The following GRIK2 variants were observed in gnomAD, a reference collection of about 807,000 sequenced individuals.
GRIK2 encodes the protein glutamate receptor ionotropic, kainate 2.
In GRIK2, 32 loss-of-function variants were observed where a neutral mutation model predicts 100.3. The ratio of observed to expected loss-of-function variants is 0.32; its 90% CI spans 0.24 to 0.43. GRIK2 has a LOEUF of 0.43. Ranked by LOEUF, GRIK2 falls within the 20% of genes least tolerant of loss-of-function variation. GRIK2 has a pLI of 1.00. For synonymous variants in GRIK2, 417 were observed against 389.4 expected (o/e 1.07, Z -0.83); for missense variants, 843 against 1,114.9 (o/e 0.76, Z 3.47).
chr6:101,476,830 C>T (rs1313893993), intron 2 of GRIK2, among the ~76,000 whole-genome samples: 3 of 152,076 alleles, frequency 2.0e-5, no homozygotes, highest in Non-Finnish European at 4.4e-5. Flanking sequence ...TCAAGCTAAG[C>T]ACTATGAATT....
At chr6:101,453,819 AT>A (rs1489538735) in intron 2 of GRIK2, among the ~76,000 whole-genome samples, 1 of 152,004 alleles carries the variant, frequency 6.6e-6, no homozygotes, top group Non-Finnish European at 1.5e-5. Flanking sequence ...TATACAATAT[AT>A]TTTGTTATAT....
chr6:101,908,035 C>T (rs543409938), intron 12 of GRIK2, among the ~76,000 whole-genome samples: 1 of 151,600 alleles, frequency 6.6e-6, no homozygotes, highest in Admixed American at 6.6e-5. Context: ...TCTCTTCCTA[C>T]TGTTTCAGTA....
intron 14 of GRIK2, among the ~76,000 whole-genome samples, chr6:102,025,419 G>A (rs998063776): frequency 2.0e-5 from 3 of 151,028 alleles, no homozygotes; most frequent in African/African-American, 4.8e-5. Context: ...TAAAATAGAC[G>A]GAGGATAAGG....
At chr6:101,676,531 A>C (rs1377937480) in intron 4 of GRIK2, 92 bp from the exon 5 acceptor site, 1 of 720,518 alleles carries the variant, frequency 1.4e-6, no homozygotes, top group Admixed American at 3.3e-5. Context: ...ATAAGAAGAA[A>C]ATTATACATT....
intron 2 of GRIK2, among the ~76,000 whole-genome samples, chr6:101,582,780 G>A (rs1315169828): frequency 6.6e-6 from 1 of 152,172 alleles, no homozygotes; most frequent in Admixed American, 6.6e-5. Context: ...TAATGGAACT[G>A]TATAGTTCAC....
intron 4 of GRIK2, among the ~76,000 whole-genome samples, chr6:101,652,774 C>T (rs1330661395): frequency 6.6e-6 from 1 of 152,126 alleles, no homozygotes; most frequent in Non-Finnish European, 1.5e-5. Flanking sequence ...GGTAGCAAAG[C>T]GGTTTCCTCA....
At chr6:101,973,620 A>G (rs912848220) in intron 14 of GRIK2, among the ~76,000 whole-genome samples, 43 of 151,920 alleles carry the variant, frequency 2.8e-4, no homozygotes, top group African/African-American at 1.0e-3. Flanking sequence ...CATACTACCA[A>G]TTATAAGATT....
At chr6:101,525,246 A>G (rs1775092355) in intron 2 of GRIK2, among the ~76,000 whole-genome samples, 1 of 152,336 alleles carries the variant, frequency 6.6e-6, no homozygotes, top group South Asian at 2.1e-4. Flanking sequence ...GCTCTTTCTC[A>G]CATATTCAAT....
intron 14 of GRIK2, among the ~76,000 whole-genome samples, chr6:102,008,986 T>C (rs1795385927): frequency 6.6e-6 from 1 of 152,048 alleles, no homozygotes; most frequent in South Asian, 2.1e-4. Context: ...GAAGAACAGA[T>C]TTAGATCAAA....
chr6:101,467,273 A>T (rs188023972), intron 2 of GRIK2, among the ~76,000 whole-genome samples: 1 of 152,320 alleles, frequency 6.6e-6, no homozygotes, highest in East Asian at 1.9e-4. Context: ...CCAAGAATTC[A>T]TTTGCATTTT....
At chr6:101,776,848 A>T (rs1026524556) in intron 7 of GRIK2, among the ~76,000 whole-genome samples, 14 of 152,216 alleles carry the variant, frequency 9.2e-5, no homozygotes, top group Middle Eastern at 3.2e-3. Context: ...CTAGAACCTG[A>T]TCTGCTGTTT....
At position 101,785,351 on chromosome 6, in the gene GRIK2, A is replaced by G. The variant is rs546538938; in HGVS notation, c.952-14297A>G. Among the ~76,000 whole-genome samples the G allele has an allele frequency of 2.6e-5, 4 of 152,072 alleles. No individual in the cohort carries two copies. The South Asian group carries it at 6.2e-4, about 24-fold the overall frequency. On this transcript the variant is annotated intron_variant, in intron 7 of 16. Transcript: ENST00000369134. The stretch of plus-strand genomic sequence containing the variant: ...TGTCCCATATGTCTATTTTTTGTTA[A>G]TTGCCTATGCTTTTGGGTCCTTAGC...
intron 9 of GRIK2, among the ~76,000 whole-genome samples, chr6:101,810,870 C>T (rs1475179975): frequency 6.6e-6 from 1 of 151,986 alleles, no homozygotes; most frequent in East Asian, 1.9e-4. Flanking sequence ...ACCCAATATT[C>T]ATGCATTGTA....
intron 4 of GRIK2, among the ~76,000 whole-genome samples, chr6:101,659,855 G>A (rs1769477116): frequency 2.0e-5 from 3 of 152,146 alleles, no homozygotes; most frequent in South Asian, 2.1e-4. Flanking sequence ...AGTCTGATGG[G>A]CTTTCCTTTG....
At chr6:101,935,793 A>G (rs559093875) in intron 14 of GRIK2, among the ~76,000 whole-genome samples, 1 of 152,062 alleles carries the variant, frequency 6.6e-6, no homozygotes, top group Non-Finnish European at 1.5e-5. Flanking sequence ...AAATTAGTAC[A>G]CAATTCTAAT....
intron 2 of GRIK2, among the ~76,000 whole-genome samples, chr6:101,585,165 A>G (rs140266721): frequency 0.016 from 2,506 of 152,188 alleles, 39 homozygotes; most frequent in Non-Finnish European, 0.023. Flanking sequence ...CAAAATAATC[A>G]ACATTAATAA....
Position 101,983,667 on chromosome 6 carries a change from A to G in GRIK2, c.2086-51674A>G, listed in dbSNP as rs941985011. Among the ~76,000 whole-genome samples the G allele has an allele frequency of 3.3e-5, 5 of 151,828 alleles. 1 individual carries two copies. Among genetic ancestry groups the G allele is most frequent in the African/African-American group, 9.7e-5 (4 of 41,430 alleles). ...ACTTGGTATTCCTCTTACATTTCATACAAGGTATGCACAAAACAGAAATTT... is the reference window on the plus strand; with the variant it reads ...ACTTGGTATTCCTCTTACATTTCATGCAAGGTATGCACAAAACAGAAATTT... On this transcript the variant is annotated intron_variant, in intron 14 of 16. Coordinates refer to ENST00000369134, the MANE Select transcript of GRIK2 (RefSeq NM_021956.5).
intron 2 of GRIK2, among the ~76,000 whole-genome samples, chr6:101,472,624 C>A (rs1213113214): frequency 6.6e-6 from 1 of 151,706 alleles, no homozygotes; most frequent in Non-Finnish European, 1.5e-5. Context: ...TTTGTGAAGA[C>A]CAAAGTTTAT....
rs528532427 is a variant in GRIK2 at position 101,842,018 on chromosome 6, G to A, written c.1318-17269G>A. On this transcript the variant is annotated intron_variant, in intron 10 of 16. Coordinates refer to ENST00000369134, the MANE Select transcript of GRIK2 (RefSeq NM_021956.5). ...GGTAAGTTGCCATAACTGGAGTGGG[G>A]ATAATAATAATGAATAACTTGAAGT... is the stretch of plus-strand genomic sequence containing the variant. 2.0e-5 allele frequency among the ~76,000 whole-genome samples: 3 copies of A among 152,200 alleles called. No individual in the cohort carries two copies. In the South Asian group the frequency reaches 6.2e-4, roughly 32 times the overall value.
Sources: gnomAD v4.1 joint callset for allele counts (sites outside exome capture counted in the v4.1 genomes callset) on GRCh38, gnomAD v4.1.1 for gene constraint, MANE v1.5 for transcripts, NCBI Gene and HGNC (gene_info 2026-07-23, HGNC 2026-07-21) for gene names.